The following SUGP2 variants were observed in gnomAD, a reference collection of about 807,000 sequenced individuals.
The protein encoded by SUGP2 is SURP and G-patch domain-containing protein 2.
A neutral mutation model predicts 90.5 loss-of-function variants in SUGP2; 24 were observed. The observed-to-expected ratio is 0.27, with a 90% confidence interval of 0.19 to 0.37. SUGP2 has a LOEUF of 0.37. SUGP2 is among the 10% of genes least tolerant of loss of function. The pLI is 1.00. For synonymous variants in SUGP2, 473 were observed against 513.4 expected (o/e 0.92, Z 1.06); for missense variants, 1,233 against 1,363.3 (o/e 0.90, Z 1.51).
chr19:19,024,141 GCT>G (rs1491329793), intron 3 of SUGP2, among the ~76,000 whole-genome samples: 4 of 152,080 alleles, frequency 2.6e-5, no homozygotes, highest in Non-Finnish European at 5.9e-5. Flanking sequence ...ACAGAGTCTT[GCT>G]CTGTCACCCA....
intron 3 of SUGP2, 72 bp from the exon 4 acceptor site, chr19:19,019,301 T>C (rs1223448558): frequency 2.1e-5 from 32 of 1,537,702 alleles, no homozygotes; most frequent in Non-Finnish European, 2.5e-5. Flanking sequence ...GATAGTTGAG[T>C]AGTTGGGGGC....
chr19:19,028,615 A>C (rs190841008), intron 2 of SUGP2, among the ~76,000 whole-genome samples: 14 of 152,364 alleles, frequency 9.2e-5, no homozygotes, highest in Admixed American at 7.2e-4. Flanking sequence ...AGGCTAAACG[A>C]TAGACTGCTT....
Position 19,033,459 on chromosome 19 carries a change from C to A in SUGP2, c.-34G>T. On this transcript the variant is annotated 5_prime_UTR_variant, in exon 1 of 11. Transcript: ENST00000452918. ...CACCCCGAGACCACCGCGCGCGGAG[C>A]CACCCCCGCCGCCGCCTCAGGCTCC... 7.2e-7 allele frequency: 1 copy of A among 1,398,442 alleles called. No individual in the cohort carries two copies. The highest frequency in any genetic ancestry group is 1.4e-5 in the South Asian group (1 of 73,720). 86.6% of individuals were successfully genotyped at this position (1,398,442 alleles called of 1,614,324 possible). A position where few individuals can be genotyped will look rare whatever the true frequency, so the allele number is the denominator to read the frequency against.
chr19:19,013,840 A>T (rs944314135), intron 4 of SUGP2, among the ~76,000 whole-genome samples: 7 of 152,200 alleles, frequency 4.6e-5, no homozygotes, highest in African/African-American at 1.7e-4. Flanking sequence ...ACAAAGTATG[A>T]CATATTCCTT....
intron 4 of SUGP2, 23 bp downstream of exon 4, chr19:19,019,086 A>G: frequency 1.9e-6 from 3 of 1,608,236 alleles, no homozygotes; most frequent in Non-Finnish European, 8.5e-7. Context: ...AGGGATTCAC[A>G]GCGTGGACAT....
At position 19,030,968 on chromosome 19, in the gene SUGP2, A is replaced by G; in HGVS notation, c.104T>C (p.Leu35Pro). 1 of 1,611,720 alleles carries G rather than the reference A, an allele frequency of 6.2e-7. No homozygotes were observed. Residue 35 changes from leucine (L) to proline (P), a missense_variant, in exon 2 of 11, where the codon CTT becomes CCT. By Grantham distance (98) the Leu-to-Pro change is moderately conservative (BLOSUM62 -3). Transcript: ENST00000452918. ...TATTTTACCTTGAGCTTTAAACTGAAGAGTTTCGCTTACAGCCTCACCACT... is the reference window on the plus strand; with the variant it reads ...TATTTTACCTTGAGCTTTAAACTGAGGAGTTTCGCTTACAGCCTCACCACT... ...DASGEAVSETLQFKAQDLLRA... is the reference protein window; with the variant it reads ...DASGEAVSETPQFKAQDLLRA...
intron 6 of SUGP2, among the ~76,000 whole-genome samples, chr19:19,007,609 T>G (rs1172440000): frequency 1.3e-5 from 2 of 151,528 alleles, no homozygotes; most frequent in Admixed American, 1.3e-4. Context: ...CACCTGCCAC[T>G]ACACCCGGCT....
chr19:19,008,224 A>T (rs2058163045), intron 6 of SUGP2, 93 bp downstream of exon 6: 1 of 1,074,408 alleles, frequency 9.3e-7, no homozygotes, highest in Non-Finnish European at 1.4e-6. Context: ...GGATCACTTG[A>T]GCCCAGGAAT....
chr19:19,033,491 G>A lies in SUGP2; in HGVS notation c.-66C>T, dbSNP rs1174750232. Reference sequence around the variant, plus strand: ...CGCCGCCGCCTCAGGCTCCTCACCCGCCGCCGCCGCCGCGCGAGGCGGGGA... The same window carrying A: ...CGCCGCCGCCTCAGGCTCCTCACCCACCGCCGCCGCCGCGCGAGGCGGGGA... On this transcript the variant is annotated 5_prime_UTR_variant, in exon 1 of 11. Coordinates refer to ENST00000452918, the MANE Select transcript of SUGP2 (RefSeq NM_001017392.5). The A allele has an allele frequency of 1.5e-5, 18 of 1,194,656 alleles. No individual in the cohort carries two copies. The highest frequency in any genetic ancestry group is 1.0e-4 in the Admixed American group (3 of 29,236). The allele number at this position is 1,194,656 out of a possible 1,614,324, so 74.0% of individuals were successfully genotyped here. A position where few individuals can be genotyped will look rare whatever the true frequency, so the allele number is the denominator to read the frequency against.
chr19:19,010,155 G>C lies in SUGP2; in HGVS notation c.2038C>G (p.Arg680Gly), dbSNP rs755641426. The stretch of plus-strand genomic sequence containing the variant: ...AGCCCTTGAGCACGGAGGAGCCCCC[G>C]CCGCTGCCACGGAAGGAGTTTCTTC... ...LKKKLLPWQRRGLLRAQGLRG... is the reference protein window; with the variant it reads ...LKKKLLPWQRGGLLRAQGLRG... The change falls in exon 5 of 11, where the codon CGG (arginine) becomes GGG (glycine). Residue 680 changes from arginine to glycine, a missense_variant. Around this residue, in one of 8 missense-constraint regions of SUGP2, gnomAD observed 540 missense variants for 542.6 expected, o/e 1.00. Coordinates refer to ENST00000452918, the MANE Select transcript of SUGP2 (RefSeq NM_001017392.5). The C allele has an allele frequency of 1.9e-6, 3 of 1,613,062 alleles. No individual in the cohort carries two copies. Among genetic ancestry groups the C allele is most frequent in the African/African-American group, 1.3e-5 (1 of 74,868 alleles).
chr19:18,995,295 G>C lies in SUGP2; in HGVS notation c.2992-15C>G. The stretch of plus-strand genomic sequence containing the variant: ...TCCTTGGGTTTCTGAGGAGAGAGGA[G>C]AGTCCAGGCATGTGGGCCACAGGGA... On this transcript the variant is annotated splice_polypyrimidine_tract_variant and intron_variant, in intron 8 of 10. Coordinates refer to ENST00000452918, the MANE Select transcript of SUGP2 (RefSeq NM_001017392.5). 6.3e-7 allele frequency: 1 copy of C among 1,595,598 alleles called. No individual in the cohort carries two copies. Among genetic ancestry groups the C allele is most frequent in the Non-Finnish European group, 8.5e-7 (1 of 1,170,928 alleles).
At chr19:19,017,544 G>A (rs1259645733) in intron 4 of SUGP2, among the ~76,000 whole-genome samples, 1 of 152,158 alleles carries the variant, frequency 6.6e-6, no homozygotes, top group African/African-American at 2.4e-5. Flanking sequence ...GGCCAAGGCA[G>A]GCGGATCGCA....
Position 19,031,925 on chromosome 19 carries a change from CTT to C in SUGP2, c.-11-845_-11-844del, listed in dbSNP as rs1369807634. On this transcript the variant is annotated intron_variant, in intron 1 of 10. Coordinates refer to ENST00000452918, the MANE Select transcript of SUGP2 (RefSeq NM_001017392.5). ...GCAATCTGCCCACCTTGTCTGGACT[CTT>C]TTAAGGGGGTCTCTGCCCTCACGAA... Among the ~76,000 whole-genome samples, 4 of 148,086 alleles carry C rather than the reference CTT, an allele frequency of 2.7e-5. No homozygotes were observed. In the South Asian group the frequency reaches 8.6e-4, roughly 32 times the overall value.
At chr19:18,995,036 T>C in intron 9 of SUGP2, 108 bp downstream of exon 9, 1 of 1,420,938 alleles carries the variant, frequency 7.0e-7, no homozygotes, top group Non-Finnish European at 9.6e-7. Context: ...AAAACAAAAA[T>C]CAACTGCCAG....
intron 1 of SUGP2, among the ~76,000 whole-genome samples, chr19:19,031,564 A>C (rs541673725): frequency 1.6e-4 from 24 of 150,980 alleles, no homozygotes; most frequent in African/African-American, 5.8e-4. Context: ...TTCACCAGGC[A>C]TGGTGGCACG....
intron 4 of SUGP2, among the ~76,000 whole-genome samples, chr19:19,013,357 T>C (rs993013257): frequency 3.9e-5 from 6 of 152,244 alleles, no homozygotes; most frequent in Non-Finnish European, 5.9e-5. Flanking sequence ...TTCTTTTTGG[T>C]AGCGTTCACC....
At chr19:19,010,731 T>C (rs2058279462) in intron 4 of SUGP2, among the ~76,000 whole-genome samples, 2 of 152,136 alleles carry the variant, frequency 1.3e-5, no homozygotes, top group Non-Finnish European at 2.9e-5. Context: ...AAGGAAAGTG[T>C]GATGTGAACC....
chr19:19,026,298 C>A, intron 2 of SUGP2, 72 bp from the exon 3 acceptor site: 1 of 1,406,110 alleles, frequency 7.1e-7, no homozygotes, highest in Non-Finnish European at 9.3e-7. Context: ...GCAAACAGTG[C>A]AAACAAACAG....
At chr19:19,007,824 A>G (rs994477536) in intron 6 of SUGP2, among the ~76,000 whole-genome samples, 28 of 147,482 alleles carry the variant, frequency 1.9e-4, no homozygotes, top group African/African-American at 6.3e-4. Context: ...CAGTGGCTCA[A>G]TCTCAGCTCA....
Sources: gnomAD v4.1 joint callset for allele counts (sites outside exome capture counted in the v4.1 genomes callset) on GRCh38, gnomAD v4.1.1 for gene constraint, gnomAD v4.1.1 regional missense constraint, MANE v1.5 for transcripts, NCBI Gene and HGNC (gene_info 2026-07-23, HGNC 2026-07-21) for gene names.